Variants in FSTL4 observed in about 807,000 individuals in gnomAD.
The protein encoded by FSTL4 is follistatin-related protein 4.
Under a neutral mutation model 78.2 loss-of-function variants are expected in FSTL4, and 28 were observed. The observed-to-expected ratio is 0.36, with a 90% CI of 0.27 to 0.49. The LOEUF is 0.49. Ranked by LOEUF, FSTL4 falls within the 20% of genes least tolerant of loss-of-function variation. The probability of loss-of-function intolerance (pLI) is 0.98; values close to 1 mark genes in which losing one functional copy is unlikely to be tolerated. For missense variants in FSTL4, 922 were observed against 1,084.9 expected (o/e 0.85, Z 2.11); for synonymous variants, 422 against 440.5 (o/e 0.96, Z 0.53).
At chr5:133,483,538 T>C (rs934775267) in intron 3 of FSTL4, among the ~76,000 whole-genome samples, 6 of 152,172 alleles carry the variant, frequency 3.9e-5, no homozygotes, top group Non-Finnish European at 8.8e-5. Flanking sequence ...GATGGGCTAG[T>C]TATCATCTAT....
chr5:133,424,392 G>A (rs892646317), intron 3 of FSTL4, among the ~76,000 whole-genome samples: 3 of 152,180 alleles, frequency 2.0e-5, no homozygotes, highest in East Asian at 1.9e-4. Flanking sequence ...GACACAACCC[G>A]AGGGGACTGT....
At chr5:133,602,914 C>G (rs1270932982) in intron 2 of FSTL4, among the ~76,000 whole-genome samples, 1 of 152,146 alleles carries the variant, frequency 6.6e-6, no homozygotes, top group African/African-American at 2.4e-5. Context: ...ACTGAGTAAC[C>G]TTATTCACTC....
the FSTL4 span, among the ~76,000 whole-genome samples, chr5:133,744,305 C>T: frequency 1.3e-5 from 2 of 152,220 alleles, no homozygotes; most frequent in African/African-American, 4.8e-5. Flanking sequence ...GGAATCCACT[C>T]GTTCCTCTAA....
At chr5:133,456,688 AAAAAC>A (rs113400855) in intron 3 of FSTL4, among the ~76,000 whole-genome samples, 13,330 of 151,900 alleles carry the variant, frequency 0.088, 865 homozygotes, top group African/African-American at 0.18. Context: ...TTGTACTTAA[AAAAAC>A]AAAACAAAAC....
the FSTL4 span, among the ~76,000 whole-genome samples, chr5:133,667,221 T>C: frequency 7.2e-5 from 6 of 83,402 alleles, no homozygotes; most frequent in African/African-American, 3.0e-4. Context: ...TTCAATTTAT[T>C]AGCTGAATTC....
chr5:133,297,136 G>A (rs1753414449), intron 6 of FSTL4, among the ~76,000 whole-genome samples: 1 of 152,218 alleles, frequency 6.6e-6, no homozygotes, highest in Non-Finnish European at 1.5e-5. Flanking sequence ...ATGTCAAATA[G>A]TGTTACCAAA....
At chr5:133,276,354 G>T (rs1174344614) in intron 6 of FSTL4, among the ~76,000 whole-genome samples, 1 of 152,204 alleles carries the variant, frequency 6.6e-6, no homozygotes, top group Non-Finnish European at 1.5e-5. Flanking sequence ...CTACAGGCTG[G>T]GGATGGCAGG....
At chr5:133,541,368 C>T (rs1759468815) in intron 3 of FSTL4, among the ~76,000 whole-genome samples, 1 of 152,092 alleles carries the variant, frequency 6.6e-6, no homozygotes, top group South Asian at 2.1e-4. Flanking sequence ...GCACAGGGAC[C>T]TCAGGACAGT....
the FSTL4 span, among the ~76,000 whole-genome samples, chr5:133,762,504 T>C: frequency 2.6e-5 from 4 of 152,186 alleles, no homozygotes; most frequent in Non-Finnish European, 5.9e-5. Context: ...GTCCTGGCCC[T>C]GTATATCAGT....
At chr5:133,395,787 T>G (rs1041363125) in intron 4 of FSTL4, among the ~76,000 whole-genome samples, 1 of 152,170 alleles carries the variant, frequency 6.6e-6, no homozygotes, top group Non-Finnish European at 1.5e-5. Flanking sequence ...AAAATCCACC[T>G]TGAAGGTCCC....
At chr5:133,417,435 A>G (rs1160470912) in intron 3 of FSTL4, among the ~76,000 whole-genome samples, 1 of 152,158 alleles carries the variant, frequency 6.6e-6, no homozygotes, top group Non-Finnish European at 1.5e-5. Context: ...TCAGAAGGAG[A>G]GGAGATAATG....
At chr5:133,432,068 G>A (rs1156389503) in intron 3 of FSTL4, among the ~76,000 whole-genome samples, 1 of 152,108 alleles carries the variant, frequency 6.6e-6, no homozygotes. Context: ...AAGACAGAGG[G>A]TGTAAGTATA....
At chr5:133,782,957 G>A in the FSTL4 span, among the ~76,000 whole-genome samples, 1 of 152,204 alleles carries the variant, frequency 6.6e-6, no homozygotes, top group Non-Finnish European at 1.5e-5. Context: ...ACTTGCAGGT[G>A]GCGGCCTAGG....
intron 3 of FSTL4, among the ~76,000 whole-genome samples, chr5:133,479,577 A>G (rs1282328054): frequency 2.6e-5 from 4 of 152,240 alleles, no homozygotes; most frequent in Non-Finnish European, 1.5e-5. Flanking sequence ...CAGTGGAGAA[A>G]GTCAGAAACA....
chr5:133,230,897 T>C (rs1445143129), intron 8 of FSTL4, among the ~76,000 whole-genome samples: 1 of 152,196 alleles, frequency 6.6e-6, no homozygotes, highest in Non-Finnish European at 1.5e-5. Context: ...CTTCACCTTC[T>C]TGCTCTAGTG....
At chr5:133,772,210 G>T in the FSTL4 span, among the ~76,000 whole-genome samples, 1 of 152,230 alleles carries the variant, frequency 6.6e-6, no homozygotes, top group South Asian at 2.1e-4. Context: ...TATCCAATTT[G>T]GCTTTCCATT....
At chr5:133,448,189 T>C (rs937163575) in intron 3 of FSTL4, among the ~76,000 whole-genome samples, 11 of 152,306 alleles carry the variant, frequency 7.2e-5, no homozygotes, top group African/African-American at 1.4e-4. Flanking sequence ...GCTGAAACCA[T>C]ATGCTGCTTC....
At chr5:133,568,070 G>A (rs1365812795) in intron 2 of FSTL4, among the ~76,000 whole-genome samples, 2 of 152,272 alleles carry the variant, frequency 1.3e-5, no homozygotes, top group African/African-American at 4.8e-5. Flanking sequence ...AATGGGGGAG[G>A]GAGGGTGGAC....
chr5:133,669,257 G>A, the FSTL4 span, among the ~76,000 whole-genome samples: 1 of 152,182 alleles, frequency 6.6e-6, no homozygotes, highest in South Asian at 2.1e-4. Context: ...GCTCTTCCTG[G>A]TGAGCAGGTG....
Sources: allele counts gnomAD v4.1 joint callset (sites outside exome capture counted in the v4.1 genomes callset), GRCh38; gene constraint gnomAD v4.1.1; transcripts MANE v1.5; gene names NCBI Gene and HGNC (gene_info 2026-07-23, HGNC 2026-07-21).